Variants in SLC17A5 observed in about 807,000 individuals in gnomAD.
SLC17A5 encodes the protein sialin.
A neutral mutation model predicts 59.4 loss-of-function variants in SLC17A5; 47 were observed. That is an observed-to-expected ratio of 0.79 (90% confidence interval 0.63 to 1.01). The LOEUF is 1.01. Ranked by LOEUF, SLC17A5 falls within the 50% of genes least tolerant of loss-of-function variation. The pLI is 0.00. For missense variants in SLC17A5, 522 were observed against 595.5 expected, an observed-to-expected ratio of 0.88 and a Z score of 1.28; for synonymous variants, 202 against 210.7, an observed-to-expected ratio of 0.96 and a Z score of 0.36.
chr6:73,628,862 C>T (rs780349409), intron 6 of SLC17A5, among the ~76,000 whole-genome samples: 74 of 151,798 alleles, frequency 4.9e-4, no homozygotes, highest in Non-Finnish European at 1.2e-4. Flanking sequence ...TAAGATCACT[C>T]GACAAATACT....
chr6:73,610,649 GTAGAAACAC>G lies in SLC17A5; in HGVS notation c.1112-111_1112-103del, dbSNP rs142676738. ...AAATTTGAAATTGCTGCCACCTACT[GTAGAAACAC>G]TATATTGCCTGGAAGACTAACAAAT... On this transcript the variant is annotated intron_variant, in intron 8 of 10. Coordinates refer to ENST00000355773, the MANE Select transcript of SLC17A5 (RefSeq NM_012434.5). The G allele has an allele frequency of 1.5e-3, 1,908 of 1,260,698 alleles. 31 individuals are homozygous for G. The African/African-American group carries it at 0.026, about 17-fold the overall frequency. 78.1% of individuals were successfully genotyped at this position (1,260,698 alleles called of 1,614,324 possible). A position where few individuals can be genotyped will look rare whatever the true frequency, so the allele number is the denominator to read the frequency against.
At chr6:73,627,116 C>T (rs963866403) in intron 6 of SLC17A5, among the ~76,000 whole-genome samples, 7 of 146,330 alleles carry the variant, frequency 4.8e-5, no homozygotes, top group African/African-American at 1.5e-4. Context: ...CTCGCTCTGT[C>T]GCCAGGCTGG....
intron 10 of SLC17A5, among the ~76,000 whole-genome samples, chr6:73,598,478 A>G (rs945589990): frequency 6.6e-6 from 1 of 152,012 alleles, no homozygotes; most frequent in African/African-American, 2.4e-5. Context: ...TAAAAATTCA[A>G]AAATTAGCCG....
At chr6:73,597,838 T>C (rs1766885759) in intron 10 of SLC17A5, among the ~76,000 whole-genome samples, 1 of 151,616 alleles carries the variant, frequency 6.6e-6, no homozygotes, top group East Asian at 1.9e-4. Context: ...GCAGTAGAAC[T>C]AGCAATGAGG....
chr6:73,601,334 C>T (rs1330428525), intron 9 of SLC17A5, among the ~76,000 whole-genome samples: 9 of 139,758 alleles, frequency 6.4e-5, no homozygotes, highest in Non-Finnish European at 1.4e-4. Context: ...AAGTGAGGAG[C>T]CCCTCTGCCC....
intron 9 of SLC17A5, among the ~76,000 whole-genome samples, chr6:73,606,421 C>G (rs1767394198): frequency 6.6e-6 from 1 of 152,220 alleles, no homozygotes; most frequent in Non-Finnish European, 1.5e-5. Context: ...CACAAAGGCA[C>G]TTGCTTACCA....
rs372195490 is a variant in SLC17A5, at chr6:73,610,483, G to A, written c.1176C>T (p.Ala392=). 5.6e-6 allele frequency: 9 copies of A among 1,614,120 alleles called. No individual in the cohort carries two copies. Among genetic ancestry groups the A allele is most frequent in the South Asian group, 1.1e-5 (1 of 91,078 alleles). ...TTGTTGATATAGTTAGGAAAGCAAC[G>A]GCCAAAGAATAATCACAGCCAATGA... ...AGFIGCDYSL[A]VAFLTISTTL... is the part of the protein sequence containing the mutation. The change falls in exon 9 of 11, where the codon GCC becomes GCT. Residue 392 remains alanine (A), a synonymous_variant. Transcript: ENST00000355773.
intron 10 of SLC17A5, among the ~76,000 whole-genome samples, chr6:73,595,490 T>A (rs1489945807): frequency 6.6e-6 from 1 of 152,142 alleles, no homozygotes; most frequent in Non-Finnish European, 1.5e-5. Flanking sequence ...ACTAAATTAT[T>A]CCATTTATAT....
intron 9 of SLC17A5, 117 bp from the exon 10 acceptor site, chr6:73,600,558 G>A: frequency 5.0e-6 from 4 of 801,678 alleles, no homozygotes; most frequent in Middle Eastern, 5.0e-4. Flanking sequence ...GCCCAGGCTT[G>A]AGGGCAGTGG....
intron 9 of SLC17A5, among the ~76,000 whole-genome samples, chr6:73,609,713 CTG>C (rs1239728819): frequency 6.6e-6 from 1 of 152,178 alleles, no homozygotes; most frequent in Non-Finnish European, 1.5e-5. Flanking sequence ...AATGAGAGCA[CTG>C]TGGACAGAGG....
At position 73,600,378 on chromosome 6, in the gene SLC17A5, G is replaced by C; in HGVS notation, c.1323C>G (p.Pro441=). 1.2e-6 allele frequency: 2 copies of C among 1,613,934 alleles called. No individual in the cohort carries two copies. The highest frequency in any genetic ancestry group is 2.2e-5 in the South Asian group (2 of 91,074). ...CAGGGGTCAGACTTTTAGCAATGAC[G>C]GGCCCAACCATTCCTGGAATAGTGG... is the stretch of plus-strand genomic sequence containing the variant. ...TFATIPGMVG[P]VIAKSLTPDN... is the part of the protein sequence containing the mutation. The change falls in exon 10 of 11, where the codon CCC becomes CCG. Residue 441 remains proline, a synonymous_variant. Transcript: ENST00000355773.
chr6:73,648,258 T>C lies in SLC17A5; in HGVS notation c.95-3655A>G, dbSNP rs115367584. ...AAAAACATGCCTGGGAATGTGAATA[T>C]TCTTTGAAATTGATCCAACAAAAGC... is the stretch of plus-strand genomic sequence containing the variant. On this transcript the variant is annotated intron_variant, in intron 1 of 10. Coordinates refer to ENST00000355773, the MANE Select transcript of SLC17A5 (RefSeq NM_012434.5). Among the ~76,000 whole-genome samples, 1,493 of 152,336 alleles carry C rather than the reference T, an allele frequency of 9.8e-3. 28 individuals are homozygous for C. Among genetic ancestry groups the C allele is most frequent in the African/African-American group, 0.034 (1,400 of 41,564 alleles).
At chr6:73,651,562 G>C (rs1197672911) in intron 1 of SLC17A5, among the ~76,000 whole-genome samples, 5 of 150,172 alleles carry the variant, frequency 3.3e-5, no homozygotes, top group African/African-American at 9.8e-5. Flanking sequence ...TATTTTTTGA[G>C]ACGAAGTCTT....
chr6:73,601,631 G>GT (rs1205754401), intron 9 of SLC17A5, among the ~76,000 whole-genome samples: 1 of 93,762 alleles, frequency 1.1e-5, no homozygotes, highest in Non-Finnish European at 2.3e-5. Flanking sequence ...CGTCCGGGAG[G>GT]GAGGTGGGGG....
intron 6 of SLC17A5, among the ~76,000 whole-genome samples, chr6:73,623,314 C>T (rs1013717924): frequency 6.6e-6 from 1 of 151,654 alleles, no homozygotes; most frequent in Admixed American, 6.6e-5. Context: ...GTTGGGATTA[C>T]AGGCGTGAGC....
At chr6:73,629,397 AC>A (rs1321601004) in intron 6 of SLC17A5, among the ~76,000 whole-genome samples, 1 of 152,024 alleles carries the variant, frequency 6.6e-6, no homozygotes, top group Admixed American at 6.6e-5. Flanking sequence ...GTGTCAAAAA[AC>A]AAAACAACAC....
intron 9 of SLC17A5, among the ~76,000 whole-genome samples, chr6:73,610,098 A>T (rs1390207378): frequency 6.6e-6 from 1 of 151,720 alleles, no homozygotes; most frequent in Non-Finnish European, 1.5e-5. Flanking sequence ...CAATGATGCG[A>T]TCTCAGCTCA....
At chr6:73,617,859 C>T (rs1767940335) in intron 7 of SLC17A5, among the ~76,000 whole-genome samples, 1 of 151,908 alleles carries the variant, frequency 6.6e-6, no homozygotes, top group African/African-American at 2.4e-5. Context: ...TTTATACATT[C>T]CACAGGCACC....
At position 73,615,409 on chromosome 6, in the gene SLC17A5, C is replaced by T; in HGVS notation, c.1017G>A (p.Trp339Ter). The T allele has an allele frequency of 6.2e-7, 1 of 1,613,826 alleles. No homozygotes were observed. The highest frequency in any genetic ancestry group is 8.5e-7 in the Non-Finnish European group (1 of 1,179,918). The stretch of plus-strand genomic sequence containing the variant: ...CTTGACCAGACAGGATCATACATAA[C>T]CAAGAGCCTAAATAAGGCAATGAAG... ...FLSSLPYLGS[W>*]LCMILSGQAA... The change falls in exon 8 of 11, where the codon TGG (tryptophan) becomes TGA (stop). Residue 339 changes from tryptophan to a stop codon, truncating the protein, a stop_gained. Transcript: ENST00000355773. LOFTEE classifies it high-confidence loss of function.
Sources: gnomAD v4.1 joint callset for allele counts (sites outside exome capture counted in the v4.1 genomes callset) on GRCh38, gnomAD v4.1.1 for gene constraint, MANE v1.5 for transcripts, NCBI Gene and HGNC (gene_info 2026-07-23, HGNC 2026-07-21) for gene names.